The following PDE1C variants were observed in gnomAD, a reference collection of about 807,000 sequenced individuals.
The protein encoded by PDE1C is dual specificity calcium/calmodulin-dependent 3',5'-cyclic nucleotide phosphodiesterase 1C.
In PDE1C, 62 loss-of-function variants were observed where a neutral mutation model predicts 93.1. The observed-to-expected ratio is 0.67, with a 90% CI of 0.54 to 0.82. PDE1C has a LOEUF of 0.82. Among genes scored for constraint, PDE1C ranks in the 40% least tolerant of loss-of-function variants. The probability of loss-of-function intolerance (pLI) is 0.00; values close to 1 mark genes in which losing one functional copy is unlikely to be tolerated. For missense variants in PDE1C, 742 were observed against 884.6 expected, an observed-to-expected ratio of 0.84 and a Z score of 2.04; for synonymous variants, 325 against 310.1, an observed-to-expected ratio of 1.05 and a Z score of -0.50.
At chr7:31,801,825 C>A (rs1786083710) in intron 16 of PDE1C, among the ~76,000 whole-genome samples, 2 of 151,316 alleles carry the variant, frequency 1.3e-5, no homozygotes, top group African/African-American at 4.8e-5. Flanking sequence ...AGTGTTAAGA[C>A]AGTATACCAA....
intron 2 of PDE1C, among the ~76,000 whole-genome samples, chr7:31,907,189 C>T (rs972374431): frequency 5.3e-5 from 8 of 151,602 alleles, no homozygotes; most frequent in Non-Finnish European, 1.2e-4. Flanking sequence ...TCAAGGATGC[C>T]GAGAGCAAGA....
chr7:32,278,003 C>T (rs755749280), intron 1 of PDE1C, among the ~76,000 whole-genome samples: 2 of 151,104 alleles, frequency 1.3e-5, no homozygotes, highest in African/African-American at 2.4e-5. Context: ...CTAATGGAAA[C>T]AGGAAACTGG....
At chr7:32,156,170 T>A (rs1328803122) in intron 3 of PDE1C, among the ~76,000 whole-genome samples, 1 of 152,160 alleles carries the variant, frequency 6.6e-6, no homozygotes, top group African/African-American at 2.4e-5. Context: ...GTGCAGGACA[T>A]GAATATTTGT....
intron 2 of PDE1C, among the ~76,000 whole-genome samples, chr7:32,204,353 T>C (rs1326915629): frequency 6.6e-6 from 1 of 152,190 alleles, no homozygotes; most frequent in Non-Finnish European, 1.5e-5. Flanking sequence ...AGGGAGGACT[T>C]TTGTATTTTC....
chr7:31,746,808 G>A (rs1359874670), downstream of PDE1C, among the ~76,000 whole-genome samples: 2 of 152,048 alleles, frequency 1.3e-5, no homozygotes, highest in Admixed American at 6.6e-5. Flanking sequence ...CTGTCGACAT[G>A]TCCTAATTGA....
Position 31,772,032 on chromosome 7 carries a change from C to T in PDE1C, c.1960+3632G>A, listed in dbSNP as rs1232906778. 2.3e-5 allele frequency among the ~76,000 whole-genome samples: 3 copies of T among 128,422 alleles called. No individual in the cohort carries two copies. The East Asian group carries it at 6.5e-4, about 28-fold the overall frequency. The allele number at this position is 128,422 out of a possible 152,430, so 84.2% of individuals were successfully genotyped here. On this transcript the variant is annotated intron_variant, in intron 17 of 17. Coordinates refer to ENST00000396191, the MANE Select transcript of PDE1C (RefSeq NM_001191057.4). The stretch of plus-strand genomic sequence containing the variant: ...CTGCACTCCAGCCTGGGCGAAAGAG[C>T]GGGACTCCGTCTCAAAAAAAAAAAA...
At chr7:31,732,636 T>TTGTGTGTGTGTGTGTGTG in the PDE1C span, among the ~76,000 whole-genome samples, 70 of 103,202 alleles carry the variant, frequency 6.8e-4, 2 homozygotes, top group African/African-American at 2.2e-3. Flanking sequence ...TCTCCTCTCT[T>TTGTGTGTGTGTGTGTGTG]TCTGTGTGTG....
the PDE1C span, among the ~76,000 whole-genome samples, chr7:31,634,896 G>C: frequency 1.3e-5 from 2 of 152,148 alleles, no homozygotes; most frequent in Non-Finnish European, 2.9e-5. Context: ...AGTGCCTAGG[G>C]AAAATGCCAC....
the PDE1C span, among the ~76,000 whole-genome samples, chr7:31,733,233 C>T: frequency 1.3e-5 from 2 of 152,094 alleles, no homozygotes; most frequent in Non-Finnish European, 2.9e-5. Flanking sequence ...CATCTGCGGC[C>T]CATGATTGAG....
chr7:31,643,682 C>T, the PDE1C span: 16 of 1,613,954 alleles, frequency 9.9e-6, no homozygotes, highest in African/African-American at 1.2e-4. Context: ...AGCAACAAGA[C>T]CTTGACACAT....
intron 2 of PDE1C, among the ~76,000 whole-genome samples, chr7:32,008,865 A>T (rs1197580358): frequency 4.6e-5 from 7 of 152,222 alleles, no homozygotes; most frequent in African/African-American, 1.7e-4. Flanking sequence ...AAGTTTGTTT[A>T]CCTTACGTGT....
chr7:31,792,868 T>C (rs1270861585), intron 16 of PDE1C, among the ~76,000 whole-genome samples: 3 of 152,078 alleles, frequency 2.0e-5, no homozygotes, highest in Non-Finnish European at 4.4e-5. Context: ...TCCTTCCACT[T>C]TTTAAAGAGT....
chr7:32,319,508 C>A (rs1029340920), intron 1 of PDE1C, among the ~76,000 whole-genome samples: 1 of 152,202 alleles, frequency 6.6e-6, no homozygotes, highest in Non-Finnish European at 1.5e-5. Context: ...TGGATTGATC[C>A]CCACCTGACA....
chr7:31,981,230 T>C (rs946906648), intron 2 of PDE1C, among the ~76,000 whole-genome samples: 5 of 152,242 alleles, frequency 3.3e-5, no homozygotes, highest in African/African-American at 1.2e-4. Context: ...ATTACCATTA[T>C]AATATTACCT....
At chr7:32,337,663 T>C (rs1783655684) in intron 1 of PDE1C, among the ~76,000 whole-genome samples, 1 of 151,894 alleles carries the variant, frequency 6.6e-6, no homozygotes, top group Non-Finnish European at 1.5e-5. Context: ...TTGGGGATTG[T>C]CCATATTTAA....
rs535460070 is a variant in PDE1C at position 32,157,386 on chromosome 7, T to C, written c.308+12399A>G. 2.3e-3 allele frequency among the ~76,000 whole-genome samples: 345 copies of C among 152,332 alleles called. 1 individual carries two copies. The highest frequency in any genetic ancestry group is 3.5e-3 in the Non-Finnish European group (238 of 68,032). ...TGTTTGAGGTGATGGACATCCCCGTTACCCTGATTTGATCATTGTACATTG... is the reference window on the plus strand; with the variant it reads ...TGTTTGAGGTGATGGACATCCCCGTCACCCTGATTTGATCATTGTACATTG... On this transcript the variant is annotated intron_variant, in intron 3 of 18. Transcript: ENST00000396193.
intron 15 of PDE1C, among the ~76,000 whole-genome samples, chr7:31,813,966 G>A (rs147199950): frequency 6.6e-6 from 1 of 151,848 alleles, no homozygotes; most frequent in Non-Finnish European, 1.5e-5. Context: ...TTCCATCCAG[G>A]TTGCTGCAAA....
intron 8 of PDE1C, among the ~76,000 whole-genome samples, chr7:31,849,293 G>C (rs12701148): frequency 0.18 from 26,732 of 152,084 alleles, 2,448 homozygotes; most frequent in Middle Eastern, 0.24. Context: ...CTCTTCCTTG[G>C]GCAGGTGATA....
intron 1 of PDE1C, among the ~76,000 whole-genome samples, chr7:32,366,655 A>G (rs1327322032): frequency 6.6e-6 from 1 of 152,186 alleles, no homozygotes; most frequent in Non-Finnish European, 1.5e-5. Flanking sequence ...AAAGAATTTT[A>G]AAAGCAGCAG....
Sources: gnomAD v4.1 joint callset for allele counts (sites outside exome capture counted in the v4.1 genomes callset) on GRCh38, gnomAD v4.1.1 for gene constraint, MANE v1.5 for transcripts, NCBI Gene and HGNC (gene_info 2026-07-23, HGNC 2026-07-21) for gene names.